Variants in CA9 observed in about 807,000 individuals in gnomAD.
CA9 encodes the protein CA-IX.
In CA9, 43 loss-of-function variants were observed where a neutral mutation model predicts 51.8. That is an observed-to-expected ratio of 0.83 (90% CI 0.65 to 1.07). The LOEUF (loss-of-function observed/expected upper bound fraction) is 1.07, where lower values mean the gene tolerates loss of function less well. Among genes scored for constraint, CA9 ranks in the 50% least tolerant of loss-of-function variants. The pLI is 0.00. For missense variants in CA9, 574 were observed against 581.4 expected (o/e 0.99, Z 0.13); for synonymous variants, 253 against 244.2 (o/e 1.04, Z -0.34).
chr9:35,676,128 G>A lies in CA9; in HGVS notation c.669G>A (p.Leu223=), dbSNP rs752900590. 1 of 1,613,702 alleles carries A rather than the reference G, an allele frequency of 6.2e-7. No homozygotes were observed. The highest frequency in any genetic ancestry group is 8.5e-7 in the Non-Finnish European group (1 of 1,179,836). Residue 223 remains leucine, a synonymous_variant, in exon 4 of 11, where the codon CTG becomes CTA. Transcript: ENST00000378357. The part of the protein sequence containing the change: ...ALGPGREYRA[L]QLHLHWGAAG... ...GTCCCGGGCGGGAGTACCGGGCTCT[G>A]CAGCTGCATCTGCACTGGGGGGCTG...
intron 5 of CA9, among the ~76,000 whole-genome samples, chr9:35,677,449 G>A (rs1824446567): frequency 6.6e-6 from 1 of 151,350 alleles, no homozygotes; most frequent in Non-Finnish European, 1.5e-5. Context: ...GCAAACGTCA[G>A]AAGGGCACGG....
chr9:35,674,018 G>C lies in CA9; in HGVS notation c.59G>C (p.Gly20Ala), dbSNP rs1253228271. The change falls in exon 1 of 11, where the codon GGC (glycine) becomes GCC (alanine). Residue 20 changes from glycine (G) to alanine (A), a missense_variant. Gly to Ala is a moderately conservative substitution (Grantham distance 60). Coordinates refer to ENST00000378357, the MANE Select transcript of CA9 (RefSeq NM_001216.3). The part of the protein sequence containing the change: ...LPLLIPAPAP[G>A]LTVQLLLSLL... ...CTGTTGATCCCGGCCCCTGCTCCAGGCCTCACTGTGCAACTGCTGCTGTCA... is the reference window on the plus strand; with the variant it reads ...CTGTTGATCCCGGCCCCTGCTCCAGCCCTCACTGTGCAACTGCTGCTGTCA... The C allele has an allele frequency of 6.2e-7, 1 of 1,614,012 alleles. No homozygotes were observed. The highest frequency in any genetic ancestry group is 8.5e-7 in the Non-Finnish European group (1 of 1,179,934).
At chr9:35,680,912 G>C (rs1824537028) in intron 10 of CA9, 53 bp from the exon 11 acceptor site, 1 of 1,611,622 alleles carries the variant, frequency 6.2e-7, no homozygotes, top group Non-Finnish European at 8.5e-7. Context: ...GCATGCAAAT[G>C]AGCTGCTCCT....
Position 35,676,344 on chromosome 9 carries a change from C to T in CA9, c.795C>T (p.Ala265=). 6.2e-7 allele frequency: 1 copy of T among 1,614,058 alleles called. No individual in the cohort carries two copies. The highest frequency in any genetic ancestry group is 8.5e-7 in the Non-Finnish European group (1 of 1,179,994). Residue 265 remains alanine (A), a synonymous_variant, in exon 5 of 11, where the codon GCC becomes GCT. Coordinates refer to ENST00000378357, the MANE Select transcript of CA9 (RefSeq NM_001216.3). ...CCGCCTTTGCCAGAGTTGACGAGGC[C>T]TTGGGGCGCCCGGGAGGCCTGGCCG... ...LSTAFARVDE[A]LGRPGGLAVL...
intron 1 of CA9, chr9:35,674,940 A>G (rs1824387050): frequency 6.4e-6 from 1 of 156,008 alleles, no homozygotes; most frequent in African/African-American, 2.4e-5. Context: ...GAGAAAGGAA[A>G]GATGGTGTAC....
chr9:35,681,124 C>A lies in CA9; in HGVS notation c.*99C>A. The A allele has an allele frequency of 5.0e-6, 4 of 807,588 alleles. No individual in the cohort carries two copies. Among genetic ancestry groups the A allele is most frequent in the South Asian group, 2.5e-5 (1 of 39,496 alleles). 50.0% of individuals were successfully genotyped at this position (807,588 alleles called of 1,614,324 possible). On this transcript the variant is annotated 3_prime_UTR_variant, in exon 11 of 11. Coordinates refer to ENST00000378357, the MANE Select transcript of CA9 (RefSeq NM_001216.3). ...TCATTATGCCACTTCCTTTTAACTG[C>A]CAAGAAATTTTTTAAAATAAATATT...
chr9:35,676,034 G>T, intron 3 of CA9, 30 bp from the exon 4 acceptor site: 2 of 1,610,658 alleles, frequency 1.2e-6, no homozygotes, highest in African/African-American at 1.3e-5. Context: ...CTACCGGGCG[G>T]GGCCGGCTCA....
intron 5 of CA9, among the ~76,000 whole-genome samples, chr9:35,677,078 C>A (rs1050168182): frequency 2.6e-5 from 4 of 152,004 alleles, no homozygotes; most frequent in African/African-American, 9.7e-5. Context: ...TGGTCTCAAA[C>A]TCCTGGCCTC....
At position 35,680,119 on chromosome 9, in the gene CA9, T is replaced by A; in HGVS notation, c.1217T>A (p.Leu406Gln). 1.9e-6 allele frequency: 3 copies of A among 1,614,210 alleles called. No homozygotes were observed. Among genetic ancestry groups the A allele is most frequent in the Non-Finnish European group, 8.5e-7 (1 of 1,180,038 alleles). Residue 406 changes from leucine (L) to glutamine (Q), a missense_variant, in exon 9 of 11, where the codon CTG becomes CAG. Leu to Gln is a moderately radical substitution (Grantham distance 113). Coordinates refer to ENST00000378357, the MANE Select transcript of CA9 (RefSeq NM_001216.3). ...SSPRAAEPVQ[L>Q]NSCLAAGDIL... The stretch of plus-strand genomic sequence containing the variant: ...ATCTCCTTTTTCTCTCCAGTCCAGC[T>A]GAATTCCTGCCTGGCTGCTGGTGAG...
chr9:35,676,163 C>CG lies in CA9; in HGVS notation c.707dup (p.Ser237LeufsTer27). On this transcript the variant is annotated frameshift_variant, in exon 4 of 11. Transcript: ENST00000378357. LOFTEE classifies it high-confidence loss of function. ...CTGCACTGGGGGGCTGCAGGTCGTC[C>CG]GGGCTCGGAGCACACTGTGGAAGGC... 1.9e-6 allele frequency: 3 copies of CG among 1,612,284 alleles called. No homozygotes were observed. Among genetic ancestry groups the CG allele is most frequent in the Non-Finnish European group, 2.5e-6 (3 of 1,179,210 alleles).
In CA9 at chr9:35,673,929, C is replaced by T; in HGVS notation, c.-31C>T. 6.4e-7 allele frequency: 1 copy of T among 1,563,736 alleles called. No individual in the cohort carries two copies. The highest frequency in any genetic ancestry group is 1.7e-4 in the Middle Eastern group (1 of 5,808). On this transcript the variant is annotated 5_prime_UTR_variant, in exon 1 of 11. Transcript: ENST00000378357. ...CCAATGCACGTACAGCCCGTACACA[C>T]CGTGTGCTGGGACACCCCACAGTCA...
intron 1 of CA9, 137 bp from the exon 2 acceptor site, chr9:35,675,401 G>A: frequency 1.1e-6 from 1 of 927,524 alleles, no homozygotes; most frequent in South Asian, 1.4e-5. Flanking sequence ...GGTCTCCTGT[G>A]CTTTGCACCT....
chr9:35,677,877 A>G (rs1218797725), intron 6 of CA9, 21 bp downstream of exon 6: 1 of 1,609,202 alleles, frequency 6.2e-7, no homozygotes, highest in Middle Eastern at 1.7e-4. Flanking sequence ...TGGTCTGGCC[A>G]CTAATCTCTG....
intron 5 of CA9, 42 bp downstream of exon 5, chr9:35,676,431 C>T: frequency 2.7e-6 from 4 of 1,486,838 alleles, no homozygotes; most frequent in Non-Finnish European, 3.7e-6. Flanking sequence ...CTTTCCCATC[C>T]CATGCTCCTC....
chr9:35,675,890 C>T lies in CA9; in HGVS notation c.563C>T (p.Pro188Leu). 6.2e-7 allele frequency: 1 copy of T among 1,608,632 alleles called. No individual in the cohort carries two copies. The highest frequency in any genetic ancestry group is 8.5e-7 in the Non-Finnish European group (1 of 1,179,280). ...CTGGAACTCCTGGGCTTCCAGCTCCCGCCGCTCCCAGAACTGCGCCTGCGC... is the reference window on the plus strand; with the variant it reads ...CTGGAACTCCTGGGCTTCCAGCTCCTGCCGCTCCCAGAACTGCGCCTGCGC... ...RPLELLGFQLPPLPELRLRNN... is the reference protein window; with the variant it reads ...RPLELLGFQLLPLPELRLRNN... The change falls in exon 3 of 11, where the codon CCG becomes CTG. Residue 188 changes from proline (P) to leucine (L), a missense_variant. By Grantham distance (98) the Pro-to-Leu change is moderately conservative. Coordinates refer to ENST00000378357, the MANE Select transcript of CA9 (RefSeq NM_001216.3).
intron 5 of CA9, 28 bp downstream of exon 5, chr9:35,676,417 C>A: frequency 6.4e-7 from 1 of 1,559,712 alleles, no homozygotes; most frequent in Non-Finnish European, 8.8e-7. Context: ...CCCCCTACTC[C>A]CCGCTTTCCC....
chr9:35,677,376 A>G lies in CA9; in HGVS notation c.841-414A>G, dbSNP rs547366936. On this transcript the variant is annotated intron_variant, in intron 5 of 10. Coordinates refer to ENST00000378357, the MANE Select transcript of CA9 (RefSeq NM_001216.3). ...GAAGGTGAATGCAGAGGTGACACCA[A>G]CACAAAGGTGTATATATGGTTTCCT... Among the ~76,000 whole-genome samples the G allele has an allele frequency of 3.9e-5, 6 of 152,336 alleles. No individual in the cohort carries two copies. In the East Asian group the frequency reaches 1.2e-3, roughly 29 times the overall value.
Position 35,675,884 on chromosome 9 carries a change from A to G in CA9, c.557A>G (p.Gln186Arg), listed in dbSNP as rs1356206005. Residue 186 changes from glutamine to arginine, a missense_variant, in exon 3 of 11, where the codon CAG becomes CGG. By Grantham distance (43) the Gln-to-Arg change is conservative. Coordinates refer to ENST00000378357, the MANE Select transcript of CA9 (RefSeq NM_001216.3). ...CGCCCCCTGGAACTCCTGGGCTTCC[A>G]GCTCCCGCCGCTCCCAGAACTGCGC... is the stretch of plus-strand genomic sequence containing the variant. ...ALRPLELLGF[Q>R]LPPLPELRLR... The G allele has an allele frequency of 6.2e-7, 1 of 1,606,056 alleles. No individual in the cohort carries two copies. The highest frequency in any genetic ancestry group is 1.1e-5 in the South Asian group (1 of 90,866).
At chr9:35,679,409 CAGG>C (rs1293184721) in intron 7 of CA9, 67 bp downstream of exon 7, 9 of 1,541,324 alleles carry the variant, frequency 5.8e-6, no homozygotes, top group Admixed American at 4.1e-5. Context: ...AGATGAGAAA[CAGG>C]AGAAGAAAGA....
Sources: allele counts gnomAD v4.1 joint callset (sites outside exome capture counted in the v4.1 genomes callset), GRCh38; gene constraint gnomAD v4.1.1; transcripts MANE v1.5; gene names NCBI Gene and HGNC (gene_info 2026-07-23, HGNC 2026-07-21).